The following MANEA variants were observed in gnomAD, a reference collection of about 807,000 sequenced individuals.
MANEA encodes the protein glycoprotein endo-alpha-1,2-mannosidase.
In MANEA, 25 loss-of-function variants were observed where a neutral mutation model predicts 36.8. That is an observed-to-expected ratio of 0.68 (90% CI 0.50 to 0.95). MANEA has a LOEUF of 0.95. Ranked by LOEUF, MANEA falls within the 40% of genes least tolerant of loss-of-function variation. The pLI is 0.00. For synonymous variants in MANEA, 198 were observed against 188.5 expected (o/e 1.05, Z -0.41); for missense variants, 565 against 558.8 (o/e 1.01, Z -0.11).
intron 2 of MANEA, among the ~76,000 whole-genome samples, chr6:95,594,119 G>A (rs1346727997): frequency 6.6e-6 from 1 of 151,946 alleles, no homozygotes; most frequent in East Asian, 1.9e-4. Context: ...CTAGGAGAGG[G>A]GTATGGTTGA....
chr6:95,588,673 CAG>C (rs1769332138), intron 2 of MANEA, among the ~76,000 whole-genome samples: 1 of 151,798 alleles, frequency 6.6e-6, no homozygotes, highest in Non-Finnish European at 1.5e-5. Context: ...GCTAGATTGA[CAG>C]AGGAAATGGT....
intron 1 of MANEA, among the ~76,000 whole-genome samples, chr6:95,585,153 C>T (rs1274169079): frequency 6.8e-6 from 1 of 148,040 alleles, no homozygotes; most frequent in African/African-American, 2.5e-5. Context: ...TATATATATA[C>T]ACACACAACA....
rs893690543 is a variant in MANEA at position 95,608,063 on chromosome 6, A to G, written c.*1658A>G. 3 of 151,986 alleles carry G rather than the reference A, an allele frequency of 2.0e-5. No individual in the cohort carries two copies. Among genetic ancestry groups the G allele is most frequent in the Non-Finnish European group, 4.4e-5 (3 of 67,780 alleles). The allele number at this position is 151,986 out of a possible 1,614,324, so 9.4% of individuals were successfully genotyped here. A position where few individuals can be genotyped will look rare whatever the true frequency, so the allele number is the denominator to read the frequency against. On this transcript the variant is annotated 3_prime_UTR_variant, in exon 5 of 5. Transcript: ENST00000358812. ...AGAATGATCAGGCCTTAGGAAATTA[A>G]TACAGTAGTAGTAATCATTTTCTAG...
At chr6:95,588,942 A>G (rs2127940263) in intron 2 of MANEA, among the ~76,000 whole-genome samples, 1 of 151,994 alleles carries the variant, frequency 6.6e-6, no homozygotes, top group East Asian at 1.9e-4. Flanking sequence ...TTTTCCCTGT[A>G]TAATATTTTA....
chr6:95,581,956 CAT>C (rs1769190837), intron 1 of MANEA, among the ~76,000 whole-genome samples: 1 of 151,952 alleles, frequency 6.6e-6, no homozygotes, highest in South Asian at 2.1e-4. Flanking sequence ...AACTATTTTA[CAT>C]GTTTAAGTAT....
intron 4 of MANEA, 101 bp from the exon 5 acceptor site, chr6:95,605,647 G>A: frequency 2.6e-6 from 2 of 766,726 alleles, no homozygotes; most frequent in Non-Finnish European, 4.3e-6. Context: ...GGAGCAGTGT[G>A]CTCAAACTGC....
intron 3 of MANEA, among the ~76,000 whole-genome samples, chr6:95,601,729 T>TTTTTTTTTTTTTTTTTTTG: frequency 6.9e-6 from 1 of 144,016 alleles, no homozygotes; most frequent in Non-Finnish European, 1.5e-5. Context: ...TTTTTTTTTT[T>TTTTTTTTTTTTTTTTTTTG]TTTTTTTTTT....
chr6:95,589,401 G>C (rs180688976), intron 2 of MANEA, among the ~76,000 whole-genome samples: 1 of 152,096 alleles, frequency 6.6e-6, no homozygotes, highest in African/African-American at 2.4e-5. Context: ...TTGAATTGCT[G>C]TGTGAAGTAA....
chr6:95,596,604 A>G (rs1032356978), intron 2 of MANEA, 133 bp from the exon 3 acceptor site: 5 of 521,702 alleles, frequency 9.6e-6, no homozygotes, highest in Admixed American at 3.0e-5. Context: ...ATGTATTCTG[A>G]AGGAACTTAA....
In MANEA at chr6:95,606,250, GA is replaced by G. The variant is rs1404066756; in HGVS notation, c.1239del (p.Ala414LeufsTer12). 1.9e-6 allele frequency: 3 copies of G among 1,613,718 alleles called. No individual in the cohort carries two copies. Among genetic ancestry groups the G allele is most frequent in the Non-Finnish European group, 2.5e-6 (3 of 1,179,964 alleles). ...FNEWHEGTQI[E>X]KAVPKRTSNT... is the part of the protein sequence containing the mutation. ...TGAGTGGCATGAAGGAACTCAGATT[GA>G]AAAAGCTGTTCCCAAAAGAACCAGT... On this transcript the variant is annotated frameshift_variant, in exon 5 of 5. Transcript: ENST00000358812. LOFTEE classifies it high-confidence loss of function.
At chr6:95,579,752 A>G (rs1769144658) in intron 1 of MANEA, among the ~76,000 whole-genome samples, 1 of 152,132 alleles carries the variant, frequency 6.6e-6, no homozygotes, top group Non-Finnish European at 1.5e-5. Context: ...ATGTCCAATA[A>G]TTTTTTATTA....
At chr6:95,601,128 A>G (rs1285339936) in intron 3 of MANEA, among the ~76,000 whole-genome samples, 1 of 152,190 alleles carries the variant, frequency 6.6e-6, no homozygotes, top group Non-Finnish European at 1.5e-5. Context: ...CTTTTAAAGT[A>G]TACTTGTCTG....
rs1769765048 is a variant in MANEA, at chr6:95,608,777, T to A, written c.*2372T>A. ...GATATAAACTGGCATAGTAGTTGCA[T>A]ATAATCTATGCACATCCTCCTGTAT... On this transcript the variant is annotated 3_prime_UTR_variant, in exon 5 of 5. Transcript: ENST00000358812. 6.6e-6 allele frequency: 1 copy of A among 151,834 alleles called. No individual in the cohort carries two copies. The highest frequency in any genetic ancestry group is 1.5e-5 in the Non-Finnish European group (1 of 67,796). 9.4% of individuals were successfully genotyped at this position (151,834 alleles called of 1,614,324 possible).
At position 95,605,880 on chromosome 6, in the gene MANEA, G is replaced by T; in HGVS notation, c.864G>T (p.Arg288=). Residue 288 remains arginine, a synonymous_variant, in exon 5 of 5, where the codon CGG becomes CGT. Coordinates refer to ENST00000358812, the MANE Select transcript of MANEA (RefSeq NM_024641.4). ...ATCTGTTAACCACCTCAGGGTCTCG[G>T]AGTATTCGCAATTCTCCTTATGATG... ...WANLLTTSGS[R]SIRNSPYDGL... 1.2e-6 allele frequency: 2 copies of T among 1,613,946 alleles called. No individual in the cohort carries two copies. The highest frequency in any genetic ancestry group is 1.7e-6 in the Non-Finnish European group (2 of 1,179,960).
At chr6:95,594,195 G>T (rs752648031) in intron 2 of MANEA, among the ~76,000 whole-genome samples, 23 of 152,164 alleles carry the variant, frequency 1.5e-4, no homozygotes, top group Admixed American at 3.3e-4. Context: ...AATATTTCTT[G>T]AATACTGTAG....
intron 1 of MANEA, among the ~76,000 whole-genome samples, chr6:95,580,972 T>C (rs1769168295): frequency 6.6e-6 from 1 of 152,142 alleles, no homozygotes; most frequent in South Asian, 2.1e-4. Flanking sequence ...CATAAACAAT[T>C]GCTCATTTAT....
chr6:95,605,246 T>C (rs1379627162), intron 4 of MANEA, among the ~76,000 whole-genome samples: 1 of 152,160 alleles, frequency 6.6e-6, no homozygotes, highest in South Asian at 2.1e-4. Flanking sequence ...TTATTAAAAG[T>C]GAACTACTTC....
Position 95,586,903 on chromosome 6 carries a change from A to C in MANEA, c.464A>C (p.Tyr155Ser). 6.2e-7 allele frequency: 1 copy of C among 1,613,676 alleles called. No homozygotes were observed. Among genetic ancestry groups the C allele is most frequent in the Non-Finnish European group, 8.5e-7 (1 of 1,179,662 alleles). The change falls in exon 2 of 5, where the codon TAT (tyrosine) becomes TCT (serine). Residue 155 changes from tyrosine (Y) to serine (S), a missense_variant. Coordinates refer to ENST00000358812, the MANE Select transcript of MANEA (RefSeq NM_024641.4). ...NPPDDIGSSF[Y>S]PELGSYSSRD... is the part of the protein sequence containing the mutation. ...CCAGATGACATTGGCTCCAGCTTTT[A>C]TCCTGAATTGGGAAGTTACAGTTCT...
rs1769743439 is a variant in MANEA at position 95,607,771 on chromosome 6, T to A, written c.*1366T>A. The A allele has an allele frequency of 6.6e-6, 1 of 151,534 alleles. No individual in the cohort carries two copies. Among genetic ancestry groups the A allele is most frequent in the South Asian group, 2.1e-4 (1 of 4,818 alleles). 9.4% of individuals were successfully genotyped at this position (151,534 alleles called of 1,614,324 possible). A position where few individuals can be genotyped will look rare whatever the true frequency, so the allele number is the denominator to read the frequency against. Reference sequence around the variant, plus strand: ...TAATGTTTATAACTATAGTAAAAAATTAATATATATCCTATTACATAAATG... The same window carrying A: ...TAATGTTTATAACTATAGTAAAAAAATAATATATATCCTATTACATAAATG... On this transcript the variant is annotated 3_prime_UTR_variant, in exon 5 of 5. Coordinates refer to ENST00000358812, the MANE Select transcript of MANEA (RefSeq NM_024641.4).
Sources: allele counts gnomAD v4.1 joint callset (sites outside exome capture counted in the v4.1 genomes callset), GRCh38; gene constraint gnomAD v4.1.1; transcripts MANE v1.5; gene names NCBI Gene and HGNC (gene_info 2026-07-23, HGNC 2026-07-21).